Variants in SLCO6A1 observed in about 807,000 individuals in gnomAD.
The protein encoded by SLCO6A1 is solute carrier organic anion transporter family member 6A1.
Under a neutral mutation model 72.7 loss-of-function variants are expected in SLCO6A1, and 65 were observed. The ratio of observed to expected loss-of-function variants is 0.89; its 90% CI spans 0.73 to 1.10. SLCO6A1 has a LOEUF of 1.10. Among genes scored for constraint, SLCO6A1 ranks in the 50% least tolerant of loss-of-function variants. The probability of loss-of-function intolerance (pLI) is 0.00; values close to 1 mark genes in which losing one functional copy is unlikely to be tolerated. For missense variants in SLCO6A1, 874 were observed against 872.6 expected, an observed-to-expected ratio of 1.00 and a Z score of -0.02; for synonymous variants, 314 against 298.2, an observed-to-expected ratio of 1.05 and a Z score of -0.55.
intron 2 of SLCO6A1, 27 bp from the exon 3 acceptor site, chr5:102,477,888 T>A (rs1313618359): frequency 6.4e-7 from 1 of 1,564,330 alleles, no homozygotes; most frequent in Non-Finnish European, 8.7e-7. Context: ...GATTATATTT[T>A]TGTTAATTGA....
chr5:102,443,819 C>A (rs1028028946), intron 6 of SLCO6A1, among the ~76,000 whole-genome samples: 2 of 152,090 alleles, frequency 1.3e-5, no homozygotes, highest in Admixed American at 6.6e-5. Context: ...GATAGATATA[C>A]AAATAAATAT....
intron 6 of SLCO6A1, among the ~76,000 whole-genome samples, chr5:102,444,073 A>G (rs1385152058): frequency 6.6e-6 from 1 of 152,194 alleles, no homozygotes; most frequent in Non-Finnish European, 1.5e-5. Context: ...GTACTCCTAC[A>G]TGTGCTTACT....
intron 9 of SLCO6A1, among the ~76,000 whole-genome samples, chr5:102,405,996 T>C (rs1301330230): frequency 6.6e-6 from 1 of 152,086 alleles, no homozygotes; most frequent in African/African-American, 2.4e-5. Flanking sequence ...TGTGAAATGT[T>C]ATATAATCTA....
At chr5:102,389,736 T>C (rs1746643569) in intron 11 of SLCO6A1, among the ~76,000 whole-genome samples, 1 of 152,100 alleles carries the variant, frequency 6.6e-6, no homozygotes, top group Non-Finnish European at 1.5e-5. Context: ...ACTCCAAACA[T>C]ATTTTGGATA....
At chr5:102,394,249 GC>G (rs1174358255) in intron 10 of SLCO6A1, among the ~76,000 whole-genome samples, 7 of 152,020 alleles carry the variant, frequency 4.6e-5, no homozygotes, top group Non-Finnish European at 1.0e-4. Context: ...CCATTCCCTT[GC>G]CTTTAATTAT....
At chr5:102,461,920 A>C (rs1266974021) in intron 4 of SLCO6A1, among the ~76,000 whole-genome samples, 1 of 152,138 alleles carries the variant, frequency 6.6e-6, no homozygotes, top group Non-Finnish European at 1.5e-5. Flanking sequence ...CAAATCAGTA[A>C]AGAGGAAGTC....
chr5:102,401,928 T>A (rs944850875), intron 9 of SLCO6A1, among the ~76,000 whole-genome samples: 4 of 151,760 alleles, frequency 2.6e-5, no homozygotes, highest in Admixed American at 6.6e-5. Flanking sequence ...TTTAGCACAA[T>A]AAATAGTTGT....
chr5:102,476,928 T>C (rs1384147932), intron 3 of SLCO6A1, among the ~76,000 whole-genome samples: 1 of 152,046 alleles, frequency 6.6e-6, no homozygotes. Context: ...AGTACCAGAA[T>C]CTATTGCAAT....
chr5:102,475,639 A>T, intron 4 of SLCO6A1, 58 bp downstream of exon 4: 1 of 1,077,546 alleles, frequency 9.3e-7, no homozygotes, highest in Non-Finnish European at 1.3e-6. Flanking sequence ...AAGCTATGGT[A>T]GCTATTTAGT....
At chr5:102,469,584 T>TG (rs1751495678) in intron 4 of SLCO6A1, among the ~76,000 whole-genome samples, 2 of 152,206 alleles carry the variant, frequency 1.3e-5, no homozygotes, top group Non-Finnish European at 2.9e-5. Flanking sequence ...TTTCTGAACA[T>TG]ACAATCATGT....
rs145410474 is a variant in SLCO6A1, at chr5:102,375,085, G to A, written c.2018-1591C>T. Among the ~76,000 whole-genome samples the A allele has an allele frequency of 4.7e-3, 709 of 152,298 alleles. 6 individuals are homozygous for A. The highest frequency in any genetic ancestry group is 7.0e-3 in the Non-Finnish European group (476 of 68,008). On this transcript the variant is annotated intron_variant, in intron 12 of 13. Coordinates refer to ENST00000506729, the MANE Select transcript of SLCO6A1 (RefSeq NM_173488.5). The stretch of plus-strand genomic sequence containing the variant: ...AATACAAACCTTTACTCTGGCAAAA[G>A]ATGCTGCTGAAGAACAAAGATTCAT...
chr5:102,459,766 T>G lies in SLCO6A1; in HGVS notation c.911A>C (p.Asn304Thr). Residue 304 changes from asparagine to threonine, a missense_variant, in exon 5 of 14, where the codon AAT becomes ACT. Transcript: ENST00000506729. ...CCATAGCCATTCTGGACTACCATTA[T>G]TGACTGTAGTGCTTTAATAAAGAAA... is the stretch of plus-strand genomic sequence containing the variant. Reference protein sequence around the residue: ...NTTSATNTTVNNGSPEWLWTW... With the variant: ...NTTSATNTTVTNGSPEWLWTW... 6.3e-7 allele frequency: 1 copy of G among 1,587,656 alleles called. No homozygotes were observed. The highest frequency in any genetic ancestry group is 8.5e-7 in the Non-Finnish European group (1 of 1,172,420).
chr5:102,498,192 C>G (rs1279189901), intron 1 of SLCO6A1, among the ~76,000 whole-genome samples: 1 of 150,446 alleles, frequency 6.6e-6, no homozygotes, highest in Non-Finnish European at 1.5e-5. Context: ...CTGATTTGAG[C>G]AATAAAAAAA....
intron 7 of SLCO6A1, among the ~76,000 whole-genome samples, chr5:102,434,626 G>A (rs1749404169): frequency 6.6e-6 from 1 of 152,134 alleles, no homozygotes; most frequent in South Asian, 2.1e-4. Flanking sequence ...TTACAGATCT[G>A]AGCACTCTTG....
In SLCO6A1 at chr5:102,419,964, G is replaced by C; in HGVS notation, c.1334C>G (p.Ser445Cys). 6.2e-7 allele frequency: 1 copy of C among 1,602,078 alleles called. No individual in the cohort carries two copies. ...LGQLLGGVIV[S>C]TLEMSCKALM... ...GGCTTTACAAGACATTTCTAATGTG[G>C]AAACAATGACACCTCCCAGAAGCTG... Residue 445 changes from serine to cysteine, a missense_variant, in exon 8 of 14, where the codon TCC becomes TGC. Ser to Cys is a moderately radical substitution (Grantham distance 112, BLOSUM62 -1). Transcript: ENST00000506729.
chr5:102,428,550 A>G (rs1452976329), intron 7 of SLCO6A1, among the ~76,000 whole-genome samples: 1 of 152,158 alleles, frequency 6.6e-6, no homozygotes, highest in African/African-American at 2.4e-5. Context: ...TTAGTTATAT[A>G]GGTAAACTTG....
In SLCO6A1 at chr5:102,373,388, A is replaced by G; in HGVS notation, c.2124T>C (p.Asn708=). ...NTDFPDVTVK[N]PKVKKKEETD... The stretch of plus-strand genomic sequence containing the variant: ...TTTCTTCTTTTTTCTTAACTTTTGG[A>G]TTCTTCACAGTTACATCTGGGAAGT... Residue 708 remains asparagine (N), a synonymous_variant, in exon 13 of 14, where the codon AAT becomes AAC. Coordinates refer to ENST00000506729, the MANE Select transcript of SLCO6A1 (RefSeq NM_173488.5). 6.3e-7 allele frequency: 1 copy of G among 1,576,434 alleles called. No homozygotes were observed. The highest frequency in any genetic ancestry group is 8.6e-7 in the Non-Finnish European group (1 of 1,165,184).
At chr5:102,485,684 C>T (rs78304520) in intron 1 of SLCO6A1, among the ~76,000 whole-genome samples, 253 of 152,294 alleles carry the variant, frequency 1.7e-3, no homozygotes, top group Non-Finnish European at 2.6e-3. Flanking sequence ...AAAACTTGCG[C>T]CTGTTTTTTT....
intron 7 of SLCO6A1, among the ~76,000 whole-genome samples, chr5:102,431,129 T>C (rs564739724): frequency 3.9e-5 from 6 of 152,210 alleles, no homozygotes; most frequent in African/African-American, 1.4e-4. Flanking sequence ...TTCTGTGGGG[T>C]CAGTGGTAAT....
Sources: gnomAD v4.1 joint callset for allele counts (sites outside exome capture counted in the v4.1 genomes callset) on GRCh38, gnomAD v4.1.1 for gene constraint, MANE v1.5 for transcripts, NCBI Gene and HGNC (gene_info 2026-07-23, HGNC 2026-07-21) for gene names.